The following MSI2 variants were observed in gnomAD, a reference collection of about 807,000 sequenced individuals.
The protein encoded by MSI2 is RNA-binding protein Musashi homolog 2.
MSI2 carries 17 observed loss-of-function variants against 45.6 expected under a neutral mutation model. That is an observed-to-expected ratio of 0.37 (90% CI 0.26 to 0.56). The LOEUF is 0.56. Ranked by LOEUF, MSI2 falls within the 20% of genes least tolerant of loss-of-function variation. The pLI is 0.77. For missense variants in MSI2, 293 were observed against 444.2 expected (o/e 0.66, Z 3.06); for synonymous variants, 156 against 158.2 (o/e 0.99, Z 0.11).
chr17:57,517,894 G>A (rs968686489), intron 6 of MSI2, among the ~76,000 whole-genome samples: 6 of 152,152 alleles, frequency 3.9e-5, no homozygotes, highest in African/African-American at 1.4e-4. Flanking sequence ...GGATGGGGAG[G>A]CACCGTAGTA....
rs1210059989 is a variant in MSI2 at position 57,616,000 on chromosome 17, G to T, written c.568G>T (p.Val190Phe). The change falls in exon 9 of 14, where the codon GTC becomes TTC. Residue 190 changes from valine (V) to phenylalanine (F), a missense_variant. Val to Phe is a conservative substitution (Grantham distance 50, BLOSUM62 -1). Transcript: ENST00000284073. ...VECKKAQPKE[V>F]MFPPGTRGRA... ...ATGTAAGAAAGCTCAGCCGAAAGAA[G>T]TCATGTTCCCACCTGGGACAAGAGG... 3.7e-6 allele frequency: 6 copies of T among 1,614,184 alleles called. No homozygotes were observed. Among genetic ancestry groups the T allele is most frequent in the Non-Finnish European group, 4.2e-6 (5 of 1,180,006 alleles).
chr17:57,541,969 C>G (rs191001446), intron 7 of MSI2, among the ~76,000 whole-genome samples: 1 of 152,104 alleles, frequency 6.6e-6, no homozygotes, highest in Non-Finnish European at 1.5e-5. Flanking sequence ...CTGCAATGTG[C>G]GTACGCAATG....
intron 5 of MSI2, among the ~76,000 whole-genome samples, chr17:57,325,483 G>A (rs1913708106): frequency 6.6e-6 from 1 of 152,222 alleles, no homozygotes; most frequent in Non-Finnish European, 1.5e-5. Context: ...AAAAAAGAAA[G>A]TGGAGTCTAA....
chr17:57,276,627 T>G (rs1356511096), intron 5 of MSI2, among the ~76,000 whole-genome samples: 2 of 152,204 alleles, frequency 1.3e-5, no homozygotes, highest in Non-Finnish European at 2.9e-5. Flanking sequence ...CCAGAGTGCC[T>G]GGGTGGGTGT....
intron 5 of MSI2, among the ~76,000 whole-genome samples, chr17:57,276,557 G>A (rs2143328393): frequency 6.6e-6 from 1 of 152,334 alleles, no homozygotes. Context: ...AAAGATAGAG[G>A]AGGGGACAAT....
intron 8 of MSI2, among the ~76,000 whole-genome samples, chr17:57,609,083 T>C (rs1398309691): frequency 6.6e-6 from 1 of 152,130 alleles, no homozygotes; most frequent in Admixed American, 6.5e-5. Context: ...GGCAAGACAC[T>C]TTACACTTGA....
At chr17:57,410,940 T>A (rs190509467) in intron 6 of MSI2, among the ~76,000 whole-genome samples, 13 of 152,342 alleles carry the variant, frequency 8.5e-5, no homozygotes, top group Non-Finnish European at 2.9e-5. Flanking sequence ...GCTGGAGTAG[T>A]TTGCAAGGGA....
chr17:57,625,274 A>G (rs552635707), intron 9 of MSI2, among the ~76,000 whole-genome samples: 1 of 152,340 alleles, frequency 6.6e-6, no homozygotes, highest in South Asian at 2.1e-4. Context: ...TCCTGACTTC[A>G]GACCCGTGAG....
chr17:57,257,224 C>G (rs543114377), intron 2 of MSI2, 86 bp downstream of exon 2: 29 of 533,454 alleles, frequency 5.4e-5, no homozygotes, highest in African/African-American at 2.2e-4. Context: ...GAGCCCCCCC[C>G]CCCCCGCCAT....
chr17:57,452,169 G>A (rs983744565), intron 6 of MSI2, among the ~76,000 whole-genome samples: 2 of 152,234 alleles, frequency 1.3e-5, no homozygotes, highest in Non-Finnish European at 2.9e-5. Flanking sequence ...GGCTTCCCTA[G>A]ACGGGAAATG....
In MSI2 at chr17:57,280,804, A is replaced by G. The variant is rs1909350086; in HGVS notation, c.312+18612A>G. On this transcript the variant is annotated intron_variant, in intron 5 of 13. Transcript: ENST00000284073. The surrounding 1 kb of genome is among the most constrained non-coding windows in gnomAD (Gnocchi z 4.2). ...TAATAAGGCAAATCATTAAAAATAAAATAGGATGAGAAAAAAAGCTAAGCA... is the reference window on the plus strand; with the variant it reads ...TAATAAGGCAAATCATTAAAAATAAGATAGGATGAGAAAAAAAGCTAAGCA... Among the ~76,000 whole-genome samples, 1 of 94,716 alleles carries G rather than the reference A, an allele frequency of 1.1e-5. No individual in the cohort carries two copies. The highest frequency in any genetic ancestry group is 2.8e-5 in the Non-Finnish European group (1 of 35,796). 62.1% of individuals were successfully genotyped at this position (94,716 alleles called of 152,430 possible). A position where few individuals can be genotyped will look rare whatever the true frequency, so the allele number is the denominator to read the frequency against.
At position 57,500,083 on chromosome 17, in the gene MSI2, C is replaced by T. The variant is rs138578417; in HGVS notation, c.406-29593C>T. Among the ~76,000 whole-genome samples the T allele has an allele frequency of 1.7e-4, 26 of 152,126 alleles. No homozygotes were observed. The East Asian group carries it at 4.2e-3, about 25-fold the overall frequency. ...GTCCTATCGTAGATCGCATGTGGCA[C>T]GGGGGAGATATTGTGGCCATCTTAG... On this transcript the variant is annotated intron_variant, in intron 6 of 13. Transcript: ENST00000284073.
intron 8 of MSI2, among the ~76,000 whole-genome samples, chr17:57,614,407 A>G (rs1371160748): frequency 6.6e-6 from 1 of 152,160 alleles, no homozygotes; most frequent in Admixed American, 6.5e-5. Flanking sequence ...TTTTCTTGCT[A>G]TCTCAGGCAC....
chr17:57,535,319 T>C (rs2086898836), intron 7 of MSI2, among the ~76,000 whole-genome samples: 1 of 152,208 alleles, frequency 6.6e-6, no homozygotes, highest in Non-Finnish European at 1.5e-5. Flanking sequence ...CCTGCACAGC[T>C]GGGTTCCTCC....
At chr17:57,606,990 T>C (rs1489510204) in intron 8 of MSI2, among the ~76,000 whole-genome samples, 3 of 152,018 alleles carry the variant, frequency 2.0e-5, no homozygotes, top group Non-Finnish European at 4.4e-5. Flanking sequence ...CTTTGTGACC[T>C]TGGGCAAGTC....
intron 7 of MSI2, among the ~76,000 whole-genome samples, chr17:57,539,513 G>A (rs2086994999): frequency 6.7e-6 from 1 of 150,248 alleles, no homozygotes; most frequent in Admixed American, 6.7e-5. Context: ...CCAACAGGGT[G>A]AAACCCCATC....
chr17:57,531,738 T>C (rs1288965831), intron 7 of MSI2: 1 of 152,244 alleles, frequency 6.6e-6, no homozygotes, highest in East Asian at 1.9e-4. Context: ...TATCGTCTCA[T>C]TAACTCTCAG....
At chr17:57,429,269 G>T (rs780989300) in intron 6 of MSI2, among the ~76,000 whole-genome samples, 33 of 152,184 alleles carry the variant, frequency 2.2e-4, no homozygotes, top group Non-Finnish European at 4.0e-4. Flanking sequence ...GTCTGGGAGA[G>T]AAAAGGTTGG....
chr17:57,455,989 C>T (rs1305307556), intron 6 of MSI2, among the ~76,000 whole-genome samples: 3 of 152,282 alleles, frequency 2.0e-5, no homozygotes, highest in Non-Finnish European at 2.9e-5. Flanking sequence ...CTTTGTGTTA[C>T]GGGCCTTGTC....
Sources: gnomAD v4.1 joint callset for allele counts (sites outside exome capture counted in the v4.1 genomes callset) on GRCh38, gnomAD v4.1.1 for gene constraint, Gnocchi (gnomAD v3.1) non-coding constraint, MANE v1.5 for transcripts, NCBI Gene and HGNC (gene_info 2026-07-23, HGNC 2026-07-21) for gene names.